Variants in ADGRV1 observed in about 807,000 individuals in gnomAD.
The protein encoded by ADGRV1 is G-protein coupled receptor 98.
In ADGRV1, 359 loss-of-function variants were observed where a neutral mutation model predicts 596.2. The ratio of observed to expected loss-of-function variants is 0.60; its 90% CI spans 0.55 to 0.66. ADGRV1 has a LOEUF of 0.66. Ranked by LOEUF, ADGRV1 falls within the 30% of genes least tolerant of loss-of-function variation. The pLI is 0.00. For missense variants in ADGRV1, 7,274 were observed against 7,575.6 expected, an observed-to-expected ratio of 0.96 and a Z score of 1.48; for synonymous variants, 2,681 against 2,679.2, an observed-to-expected ratio of 1.00 and a Z score of -0.02.
intron 21 of ADGRV1, among the ~76,000 whole-genome samples, chr5:90,667,490 A>C (rs1312538987): frequency 8.2e-5 from 12 of 146,500 alleles, no homozygotes; most frequent in Admixed American, 3.5e-4. Flanking sequence ...CTCTGTATTG[A>C]TTATTCTAGT....
At position 90,694,557 on chromosome 5, in the gene ADGRV1, C is replaced by T. The variant is rs1404368172; in HGVS notation, c.7801C>T (p.Gln2601Ter). The T allele has an allele frequency of 2.5e-6, 4 of 1,613,858 alleles. No homozygotes were observed. The highest frequency in any genetic ancestry group is 3.4e-6 in the Non-Finnish European group (4 of 1,179,812). Residue 2601 changes from glutamine (Q) to a stop codon, truncating the protein, a stop_gained, in exon 33 of 90, where the codon CAG becomes TAG. Transcript: ENST00000405460. LOFTEE classifies it high-confidence loss of function. Reference sequence around the variant, plus strand: ...TGGCTTATTTGTTGAAGTTCAGGAGCAGCCCCAAACCTTGGTGGAGCTGAT... The same window carrying T: ...TGGCTTATTTGTTGAAGTTCAGGAGTAGCCCCAAACCTTGGTGGAGCTGAT... ...EDGLFVEVQE[Q>*]PQTLVELMIH... is the part of the protein sequence containing the mutation.
chr5:90,842,591 G>A (rs1431564460), intron 78 of ADGRV1, among the ~76,000 whole-genome samples: 1 of 152,018 alleles, frequency 6.6e-6, no homozygotes, highest in Non-Finnish European at 1.5e-5. Context: ...GGTGGCACAT[G>A]CCTGTAGTCC....
At chr5:90,886,003 C>T (rs186790697) in intron 83 of ADGRV1, among the ~76,000 whole-genome samples, 1 of 152,144 alleles carries the variant, frequency 6.6e-6, no homozygotes, top group Admixed American at 6.6e-5. Flanking sequence ...GAATACTAAT[C>T]CCGTGATGTC....
chr5:90,930,649 G>A (rs12109698), intron 83 of ADGRV1, among the ~76,000 whole-genome samples: 8 of 152,172 alleles, frequency 5.3e-5, no homozygotes, highest in African/African-American at 1.7e-4. Flanking sequence ...CTAAATTTAC[G>A]TGAGTCCAAA....
intron 84 of ADGRV1, among the ~76,000 whole-genome samples, chr5:90,982,465 C>T (rs1780155776): frequency 6.6e-6 from 1 of 152,132 alleles, no homozygotes; most frequent in African/African-American, 2.4e-5. Context: ...ATTAATACAT[C>T]TCATTCAAGT....
chr5:90,575,773 C>T (rs1351321458), intron 1 of ADGRV1, among the ~76,000 whole-genome samples: 1 of 152,120 alleles, frequency 6.6e-6, no homozygotes, highest in Non-Finnish European at 1.5e-5. Context: ...AGAGGGCTTA[C>T]ATGGGGGCGG....
Position 90,601,465 on chromosome 5 carries a change from A to G in ADGRV1, c.23-13370A>G, listed in dbSNP as rs1761400598. Among the ~76,000 whole-genome samples, 3 of 152,372 alleles carry G rather than the reference A, an allele frequency of 2.0e-5. No individual in the cohort carries two copies. The South Asian group carries it at 6.2e-4, about 32-fold the overall frequency. On this transcript the variant is annotated intron_variant, in intron 1 of 89. Coordinates refer to ENST00000405460, the MANE Select transcript of ADGRV1 (RefSeq NM_032119.4). ...TAAAAAGTAACTTGGTTTTCAATTT[A>G]TGAATCTTAAAAGAATACCGTACTA... is the stretch of plus-strand genomic sequence containing the variant.
chr5:90,985,304 A>G lies in ADGRV1; in HGVS notation c.17974-40A>G, dbSNP rs375106630. On this transcript the variant is annotated intron_variant, in intron 84 of 89. Transcript: ENST00000405460. ...AGTAGAGTTTGTGTTCTGTGCCATT[A>G]AAGAAGAGCCTGTTCATTTTATGTT... The G allele has an allele frequency of 3.6e-5, 53 of 1,480,090 alleles. No homozygotes were observed. In the African/African-American group the frequency reaches 6.3e-4, roughly 18 times the overall value. 91.7% of individuals were successfully genotyped at this position (1,480,090 alleles called of 1,614,324 possible). A position where few individuals can be genotyped will look rare whatever the true frequency, so the allele number is the denominator to read the frequency against.
At position 90,653,079 on chromosome 5, in the gene ADGRV1, C is replaced by T. The variant is rs557825997; in HGVS notation, c.3635-130C>T. On this transcript the variant is annotated intron_variant, in intron 19 of 89. Coordinates refer to ENST00000405460, the MANE Select transcript of ADGRV1 (RefSeq NM_032119.4). ...ATGTGGTGAAAGCCACATGGTGACA[C>T]TACTTTTCATTGATAATGAGTAAAT... 4.1e-5 allele frequency: 34 copies of T among 819,942 alleles called. No homozygotes were observed. The African/African-American group carries it at 5.2e-4, about 12-fold the overall frequency. The allele number at this position is 819,942 out of a possible 1,614,324, so 50.8% of individuals were successfully genotyped here. A position where few individuals can be genotyped will look rare whatever the true frequency, so the allele number is the denominator to read the frequency against.
At chr5:90,919,299 A>C (rs1264124944) in intron 83 of ADGRV1, among the ~76,000 whole-genome samples, 2 of 152,186 alleles carry the variant, frequency 1.3e-5, no homozygotes, top group African/African-American at 4.8e-5. Flanking sequence ...TGAAAGAGAA[A>C]GCCTTGCCCG....
At chr5:90,761,130 GGATGGAAGGCTA>G (rs1365627334) in intron 58 of ADGRV1, among the ~76,000 whole-genome samples, 21 of 152,180 alleles carry the variant, frequency 1.4e-4, no homozygotes, top group Admixed American at 1.3e-3. Flanking sequence ...ACTGTCCTGT[GGATGGAAGGCTA>G]GACTGACAGC....
chr5:91,068,937 A>G (rs756141266), intron 85 of ADGRV1, among the ~76,000 whole-genome samples: 33 of 152,200 alleles, frequency 2.2e-4, no homozygotes, highest in Non-Finnish European at 4.0e-4. Flanking sequence ...CTGATACAAA[A>G]ACAGACACAT....
chr5:90,683,213 TATTTA>T (rs1428429641), intron 27 of ADGRV1, among the ~76,000 whole-genome samples: 1 of 98,430 alleles, frequency 1.0e-5, no homozygotes, highest in African/African-American at 5.4e-5. Context: ...AATTGTGTTT[TATTTA>T]TTTTTTTTAA....
intron 84 of ADGRV1, among the ~76,000 whole-genome samples, chr5:90,965,980 G>A (rs935488269): frequency 1.3e-5 from 2 of 152,158 alleles, no homozygotes; most frequent in Non-Finnish European, 2.9e-5. Flanking sequence ...AATCATGGTA[G>A]CGTGAACTAA....
Position 90,840,713 on chromosome 5 carries a change from C to T in ADGRV1, c.16747C>T (p.Pro5583Ser), listed in dbSNP as rs777161065. 14 of 1,613,986 alleles carry T rather than the reference C, an allele frequency of 8.7e-6. No individual in the cohort carries two copies. Among genetic ancestry groups the T allele is most frequent in the Non-Finnish European group, 1.0e-5 (12 of 1,179,882 alleles). ...RSTVLDVILT[P>S]ETGSLNSFPK... ...CACTGTATTGGATGTCATCCTAACG[C>T]CAGAGACAGGATCTTTAAATTCATT... Residue 5583 changes from proline to serine, a missense_variant, in exon 78 of 90, where the codon CCA becomes TCA. Coordinates refer to ENST00000405460, the MANE Select transcript of ADGRV1 (RefSeq NM_032119.4).
chr5:90,848,577 C>T (rs1766149455), intron 78 of ADGRV1, 60 bp from the exon 79 acceptor site: 10 of 898,306 alleles, frequency 1.1e-5, no homozygotes, highest in Non-Finnish European at 1.6e-5. Flanking sequence ...ATATGTATAG[C>T]ATATAATTTA....
At chr5:90,836,310 C>A (rs527888495) in intron 77 of ADGRV1, among the ~76,000 whole-genome samples, 2 of 152,076 alleles carry the variant, frequency 1.3e-5, no homozygotes, top group Non-Finnish European at 2.9e-5. Flanking sequence ...TTAATAATAG[C>A]CCCAAAGTAG....
Position 91,102,094 on chromosome 5 carries a change from G to A in ADGRV1, c.18311-125G>A, listed in dbSNP as rs1791431658. On this transcript the variant is annotated intron_variant, in intron 86 of 89. Transcript: ENST00000405460. ...CTTCTCCCCTCTGGCATAAGAATGGGATTTCCAAGGTTGTTCTCTCAAAAT... is the reference window on the plus strand; with the variant it reads ...CTTCTCCCCTCTGGCATAAGAATGGAATTTCCAAGGTTGTTCTCTCAAAAT... 7.1e-6 allele frequency: 6 copies of A among 849,666 alleles called. No individual in the cohort carries two copies. The East Asian group carries it at 1.1e-4, about 16-fold the overall frequency. The allele number at this position is 849,666 out of a possible 1,614,324, so 52.6% of individuals were successfully genotyped here.
intron 87 of ADGRV1, among the ~76,000 whole-genome samples, chr5:91,149,347 G>A (rs911510711): frequency 4.6e-5 from 7 of 152,168 alleles, no homozygotes; most frequent in African/African-American, 7.2e-5. Flanking sequence ...TTTTCTCTGT[G>A]CTGTTCTCAT....
Sources: gnomAD v4.1 joint callset for allele counts (sites outside exome capture counted in the v4.1 genomes callset) on GRCh38, gnomAD v4.1.1 for gene constraint, MANE v1.5 for transcripts, NCBI Gene and HGNC (gene_info 2026-07-23, HGNC 2026-07-21) for gene names.